Variants in DSCAM observed in about 807,000 individuals in gnomAD.
The protein encoded by DSCAM is DS cell adhesion molecule, also known as cell adhesion molecule DSCAM.
A neutral mutation model predicts 217.7 loss-of-function variants in DSCAM; 47 were observed. That is an observed-to-expected ratio of 0.22 (90% confidence interval 0.17 to 0.28). DSCAM has a LOEUF of 0.28. Ranked by LOEUF, DSCAM falls within the 10% of genes least tolerant of loss-of-function variation. DSCAM has a pLI of 1.00. For synonymous variants in DSCAM, 1,056 were observed against 1,015.3 expected (o/e 1.04, Z -0.76); for missense variants, 2,080 against 2,618.3 (o/e 0.79, Z 4.49).
At chr21:40,039,634 A>G (rs2088706279) in intron 32 of DSCAM, among the ~76,000 whole-genome samples, 1 of 152,208 alleles carries the variant, frequency 6.6e-6, no homozygotes, top group African/African-American at 2.4e-5. Context: ...TCATTTAAAA[A>G]TAATTCTTGC....
At chr21:40,354,194 T>C (rs1366349250) in intron 4 of DSCAM, among the ~76,000 whole-genome samples, 3 of 152,156 alleles carry the variant, frequency 2.0e-5, no homozygotes, top group Non-Finnish European at 4.4e-5. Context: ...TATTTCAAAA[T>C]AGCTAAAACA....
At position 40,194,078 on chromosome 21, in the gene DSCAM, C is replaced by G. The variant is rs140862259; in HGVS notation, c.2357-4840G>C. On this transcript the variant is annotated intron_variant, in intron 11 of 32. Coordinates refer to ENST00000400454, the MANE Select transcript of DSCAM (RefSeq NM_001389.5). ...TTTATCGCATTTGATGAGAGAAGTA[C>G]CTTGGCCAAACCATAGACCTCTGGT... Among the ~76,000 whole-genome samples, 646 of 152,212 alleles carry G rather than the reference C, an allele frequency of 4.2e-3. 2 individuals carry two copies. The highest frequency in any genetic ancestry group is 6.3e-3 in the Non-Finnish European group (426 of 68,006).
chr21:40,498,785 A>ATATATATGGGTG (rs2076148560), intron 3 of DSCAM, among the ~76,000 whole-genome samples: 1 of 15,922 alleles, frequency 6.3e-5, no homozygotes, highest in Non-Finnish European at 1.2e-4. Context: ...GGGTGTGTAT[A>ATATATATGGGTG]TATATATATA....
rs558364730 is a variant in DSCAM, at chr21:40,065,472, T to C, written c.4889-2573A>G. ...AATTTAAAGTCCCGGAATCACAGAA[T>C]CTTAAGAGCAATAAAGACTTTTCAG... On this transcript the variant is annotated intron_variant, in intron 27 of 32. Transcript: ENST00000400454. 1.7e-4 allele frequency among the ~76,000 whole-genome samples: 26 copies of C among 152,192 alleles called. 1 individual carries two copies. The South Asian group carries it at 5.4e-3, about 32-fold the overall frequency.
At chr21:40,067,214 T>G (rs564432240) in intron 27 of DSCAM, among the ~76,000 whole-genome samples, 1 of 152,224 alleles carries the variant, frequency 6.6e-6, no homozygotes, top group Admixed American at 6.5e-5. Context: ...CAGACAAAGA[T>G]CAAAATTCAA....
At chr21:40,797,168 T>A (rs1300024181) in intron 1 of DSCAM, among the ~76,000 whole-genome samples, 1 of 152,210 alleles carries the variant, frequency 6.6e-6, no homozygotes, top group Non-Finnish European at 1.5e-5. Context: ...GTGCTTATCT[T>A]GACTTCCCTG....
chr21:40,441,771 G>T (rs2145914311), intron 3 of DSCAM, among the ~76,000 whole-genome samples: 1 of 152,272 alleles, frequency 6.6e-6, no homozygotes, highest in East Asian at 1.9e-4. Context: ...GGGCTTCTGT[G>T]CATGCATCTT....
At chr21:40,202,045 TTC>T (rs760854425) in intron 11 of DSCAM, among the ~76,000 whole-genome samples, 1 of 152,098 alleles carries the variant, frequency 6.6e-6, no homozygotes, top group African/African-American at 2.4e-5. Flanking sequence ...GGTGCCCCAG[TTC>T]TCTCTCTTTC....
chr21:40,593,835 C>T (rs1055072324), intron 3 of DSCAM, among the ~76,000 whole-genome samples: 7 of 152,158 alleles, frequency 4.6e-5, no homozygotes, highest in African/African-American at 1.7e-4. Context: ...TGATGTTCAT[C>T]AGTAAGTCAG....
chr21:40,663,427 G>A (rs559698560), intron 3 of DSCAM, among the ~76,000 whole-genome samples: 5 of 151,892 alleles, frequency 3.3e-5, no homozygotes, highest in South Asian at 4.2e-4. Flanking sequence ...CTGTGTTGCC[G>A]GCACTCTCCT....
At chr21:40,442,877 C>G (rs1215117963) in intron 3 of DSCAM, among the ~76,000 whole-genome samples, 3 of 152,114 alleles carry the variant, frequency 2.0e-5, no homozygotes, top group African/African-American at 7.2e-5. Context: ...GGAAATAATA[C>G]AGGATACATC....
intron 11 of DSCAM, among the ~76,000 whole-genome samples, chr21:40,244,453 G>GA (rs76692462): frequency 0.026 from 2,592 of 99,772 alleles, 66 homozygotes; most frequent in African/African-American, 0.072. Context: ...TCCGTCTCCG[G>GA]AAAAAAAAAA....
intron 11 of DSCAM, among the ~76,000 whole-genome samples, chr21:40,251,394 A>T (rs2073302699): frequency 1.3e-5 from 2 of 151,768 alleles, no homozygotes; most frequent in Admixed American, 6.6e-5. Flanking sequence ...CACTATATTA[A>T]TTTTTTTTTG....
intron 3 of DSCAM, among the ~76,000 whole-genome samples, chr21:40,632,291 T>C (rs2089702135): frequency 7.4e-6 from 1 of 135,302 alleles, no homozygotes; most frequent in African/African-American, 2.8e-5. Context: ...TATGAATACT[T>C]GTCATTCTGT....
chr21:40,270,659 G>A (rs901537849), intron 11 of DSCAM, among the ~76,000 whole-genome samples: 2 of 152,112 alleles, frequency 1.3e-5, no homozygotes, highest in African/African-American at 2.4e-5. Flanking sequence ...GGCTTGGTGG[G>A]AGGTGATTGG....
chr21:40,830,628 C>T (rs2092005267), intron 1 of DSCAM, among the ~76,000 whole-genome samples: 1 of 152,176 alleles, frequency 6.6e-6, no homozygotes, highest in South Asian at 2.1e-4. Context: ...CAATGTATGC[C>T]TTCTCTAGGA....
chr21:40,605,206 C>A (rs766350169), intron 3 of DSCAM, among the ~76,000 whole-genome samples: 31 of 152,106 alleles, frequency 2.0e-4, no homozygotes, highest in Non-Finnish European at 2.5e-4. Context: ...TTGAACTTAC[C>A]ATTTACGTGT....
In DSCAM at chr21:40,068,098, G is replaced by A. The variant is rs543414373; in HGVS notation, c.4889-5199C>T. The stretch of plus-strand genomic sequence containing the variant: ...TCCCTTATCTGTTGGGCTGGGAAAT[G>A]ATGGAGAAATGATACCAGGATAATC... On this transcript the variant is annotated intron_variant, in intron 27 of 32. Transcript: ENST00000400454. Among the ~76,000 whole-genome samples, 128 of 152,186 alleles carry A rather than the reference G, an allele frequency of 8.4e-4. 1 individual carries two copies. The highest frequency in any genetic ancestry group is 2.4e-3 in the Admixed American group (36 of 15,280).
chr21:40,736,810 G>T (rs554255024), intron 1 of DSCAM, among the ~76,000 whole-genome samples: 1 of 151,216 alleles, frequency 6.6e-6, no homozygotes, highest in African/African-American at 2.4e-5. Context: ...AATAGCATAG[G>T]GTTTTTTTTG....
Sources: allele counts gnomAD v4.1 joint callset (sites outside exome capture counted in the v4.1 genomes callset), GRCh38; gene constraint gnomAD v4.1.1; transcripts MANE v1.5; gene names NCBI Gene and HGNC (gene_info 2026-07-23, HGNC 2026-07-21).